The following KIF2A variants were observed in gnomAD, a reference collection of about 807,000 sequenced individuals.
KIF2A encodes the protein kinesin family member 2A, also known as kinesin-like protein KIF2A.
In KIF2A, 22 loss-of-function variants were observed where a neutral mutation model predicts 100.2. The observed-to-expected ratio is 0.22, with a 90% CI of 0.16 to 0.31. KIF2A has a LOEUF of 0.31. Ranked by LOEUF, KIF2A falls within the 10% of genes least tolerant of loss-of-function variation. KIF2A has a pLI of 1.00. For missense variants in KIF2A, 495 were observed against 898.7 expected (o/e 0.55, Z 5.74); for synonymous variants, 268 against 285.9 (o/e 0.94, Z 0.63).
intron 3 of KIF2A, among the ~76,000 whole-genome samples, chr5:62,348,585 A>T (rs917800499): frequency 6.6e-6 from 1 of 152,230 alleles, no homozygotes; most frequent in Non-Finnish European, 1.5e-5. Context: ...ATGGGAAATG[A>T]TAGTGTAGTT....
At chr5:62,350,520 C>T (rs1334619520) in intron 4 of KIF2A, among the ~76,000 whole-genome samples, 5 of 152,106 alleles carry the variant, frequency 3.3e-5, no homozygotes, top group Admixed American at 3.3e-4. Context: ...AGTGATCCTC[C>T]TGGCTTGGCC....
intron 1 of KIF2A, among the ~76,000 whole-genome samples, chr5:62,340,001 C>T (rs1561261400): frequency 2.0e-5 from 3 of 148,940 alleles, no homozygotes; most frequent in South Asian, 2.1e-4. Flanking sequence ...TGCAATGGCG[C>T]GATCTTGGCT....
chr5:62,368,667 C>G (rs927123506), intron 16 of KIF2A, among the ~76,000 whole-genome samples: 8 of 151,822 alleles, frequency 5.3e-5, no homozygotes, highest in Non-Finnish European at 1.0e-4. Flanking sequence ...GTCCCAGCCA[C>G]TTGGGGGGCT....
chr5:62,361,569 G>C (rs376188113), intron 11 of KIF2A, 40 bp downstream of exon 11: 1 of 1,141,270 alleles, frequency 8.8e-7, no homozygotes, highest in Non-Finnish European at 1.3e-6. Flanking sequence ...ATATTCTTCT[G>C]TGGTATTATT....
At chr5:62,310,067 A>ATAATT (rs1561243387) in intron 1 of KIF2A, among the ~76,000 whole-genome samples, 1 of 123,070 alleles carries the variant, frequency 8.1e-6, no homozygotes, top group Non-Finnish European at 1.7e-5. Context: ...ATAACTAATA[A>ATAATT]TTCTTTTTTT....
chr5:62,347,007 C>T (rs886422645), intron 1 of KIF2A, 123 bp from the exon 2 acceptor site: 7 of 605,444 alleles, frequency 1.2e-5, no homozygotes, highest in Admixed American at 3.4e-5. Context: ...CTGTGGAAAT[C>T]TCTTGTAAGG....
Position 62,386,415 on chromosome 5 carries a change from A to G in KIF2A, c.*846A>G, listed in dbSNP as rs1464311820. 2 of 152,236 alleles carry G rather than the reference A, an allele frequency of 1.3e-5. No homozygotes were observed. The highest frequency in any genetic ancestry group is 4.8e-5 in the African/African-American group (2 of 41,456). 9.4% of individuals were successfully genotyped at this position (152,236 alleles called of 1,614,324 possible). A position where few individuals can be genotyped will look rare whatever the true frequency, so the allele number is the denominator to read the frequency against. On this transcript the variant is annotated 3_prime_UTR_variant, in exon 21 of 21. Coordinates refer to ENST00000407818, the MANE Select transcript of KIF2A (RefSeq NM_001098511.3). ...TTTTATCTTAGGAAAATACATATATATGCAGTGTGTGTGCCAGTGTGGTAT... is the reference window on the plus strand; with the variant it reads ...TTTTATCTTAGGAAAATACATATATGTGCAGTGTGTGTGCCAGTGTGGTAT...
intron 1 of KIF2A, among the ~76,000 whole-genome samples, chr5:62,340,196 C>G (rs1038788327): frequency 2.0e-5 from 3 of 152,116 alleles, no homozygotes; most frequent in Non-Finnish European, 2.9e-5. Context: ...CTCAGCCTCC[C>G]AAAGTGCTGG....
chr5:62,362,338 A>T, intron 11 of KIF2A, 112 bp from the exon 12 acceptor site: 1 of 424,772 alleles, frequency 2.4e-6, no homozygotes, highest in Non-Finnish European at 4.2e-6. Context: ...TTTATTATTG[A>T]TACTGTTATC....
At chr5:62,353,443 T>C (rs908121029) in intron 6 of KIF2A, 68 bp downstream of exon 6, 66 of 697,452 alleles carry the variant, frequency 9.5e-5, no homozygotes, top group Non-Finnish European at 1.3e-4. Flanking sequence ...GTGAAGGTGA[T>C]TGATGTGAAC....
intron 1 of KIF2A, among the ~76,000 whole-genome samples, chr5:62,342,398 A>C (rs1747341721): frequency 6.6e-6 from 1 of 152,174 alleles, no homozygotes; most frequent in Admixed American, 6.5e-5. Flanking sequence ...TGCACTGCTT[A>C]GATGTCTCTC....
At chr5:62,334,308 T>G (rs1224294143) in intron 1 of KIF2A, among the ~76,000 whole-genome samples, 1 of 151,832 alleles carries the variant, frequency 6.6e-6, no homozygotes, top group Non-Finnish European at 1.5e-5. Context: ...CCCCAGGACT[T>G]TGTTCACCTC....
At chr5:62,338,853 CCAAA>C (rs1251422035) in intron 1 of KIF2A, among the ~76,000 whole-genome samples, 2 of 151,886 alleles carry the variant, frequency 1.3e-5, no homozygotes, top group African/African-American at 4.8e-5. Context: ...GAGAAATAGC[CCAAA>C]CAAAGAGGCC....
intron 18 of KIF2A, among the ~76,000 whole-genome samples, chr5:62,375,693 A>G (rs1741507803): frequency 1.3e-5 from 2 of 152,352 alleles, no homozygotes; most frequent in South Asian, 4.1e-4. Flanking sequence ...AATCACTGTT[A>G]CTAAAGCAGG....
chr5:62,352,409 G>A (rs1747897757), intron 4 of KIF2A, among the ~76,000 whole-genome samples, 179 bp from the exon 5 acceptor site: 1 of 152,070 alleles, frequency 6.6e-6, no homozygotes, highest in Non-Finnish European at 1.5e-5. Flanking sequence ...GCTTATGTCA[G>A]TTTATTGAAC....
At chr5:62,322,382 T>C (rs1280333083) in intron 1 of KIF2A, among the ~76,000 whole-genome samples, 1 of 152,218 alleles carries the variant, frequency 6.6e-6, no homozygotes, top group Non-Finnish European at 1.5e-5. Context: ...TAATTTTGAT[T>C]AAGTCCAGTT....
chr5:62,363,566 T>G, intron 13 of KIF2A, 129 bp from the exon 14 acceptor site: 1 of 807,730 alleles, frequency 1.2e-6, no homozygotes, highest in South Asian at 1.8e-5. Context: ...CAGTGTCTCA[T>G]CTGTATTTAA....
At position 62,306,348 on chromosome 5, in the gene KIF2A, TGTCGCCCGGGCCGGCGCGGCC is replaced by T. The variant is rs1745265278; in HGVS notation, c.-123_-103del. The stretch of plus-strand genomic sequence containing the variant: ...CTTGCGGCCCCGCTTGCGTTCACGC[TGTCGCCCGGGCCGGCGCGGCC>T]GCGGGCAACCGCTCCCCCTCCCACA... On this transcript the variant is annotated 5_prime_UTR_variant, in exon 1 of 21. Coordinates refer to ENST00000407818, the MANE Select transcript of KIF2A (RefSeq NM_001098511.3). The T allele has an allele frequency of 1.3e-6, 1 of 756,536 alleles. No individual in the cohort carries two copies. The highest frequency in any genetic ancestry group is 2.2e-6 in the Non-Finnish European group (1 of 454,248). The allele number at this position is 756,536 out of a possible 1,614,324, so 46.9% of individuals were successfully genotyped here. A position where few individuals can be genotyped will look rare whatever the true frequency, so the allele number is the denominator to read the frequency against.
chr5:62,335,109 C>T (rs1404704794), intron 1 of KIF2A, among the ~76,000 whole-genome samples: 3 of 152,232 alleles, frequency 2.0e-5, no homozygotes, highest in Non-Finnish European at 4.4e-5. Flanking sequence ...TGACCCACCA[C>T]TGCTCCTGCT....
Sources: allele counts gnomAD v4.1 joint callset (sites outside exome capture counted in the v4.1 genomes callset), GRCh38; gene constraint gnomAD v4.1.1; transcripts MANE v1.5; gene names NCBI Gene and HGNC (gene_info 2026-07-23, HGNC 2026-07-21).